Variants in FRMD5 observed in about 807,000 individuals in gnomAD.
FRMD5 encodes the protein FERM domain containing 5.
FRMD5 carries 20 observed loss-of-function variants against 69.0 expected under a neutral mutation model. That is an observed-to-expected ratio of 0.29 (90% CI 0.20 to 0.42). FRMD5 has a LOEUF of 0.42. Ranked by LOEUF, FRMD5 falls within the 10% of genes least tolerant of loss-of-function variation. The pLI is 1.00. For synonymous variants in FRMD5, 271 were observed against 260.1 expected, an observed-to-expected ratio of 1.04 and a Z score of -0.40; for missense variants, 595 against 708.6, an observed-to-expected ratio of 0.84 and a Z score of 1.82.
At chr15:44,130,122 A>G (rs2077078433) in intron 1 of FRMD5, among the ~76,000 whole-genome samples, 1 of 152,120 alleles carries the variant, frequency 6.6e-6, no homozygotes, top group South Asian at 2.1e-4. Context: ...CTGCACTAAT[A>G]CTATAACCAC....
intron 1 of FRMD5, among the ~76,000 whole-genome samples, chr15:44,184,544 C>T (rs1016916715): frequency 6.6e-6 from 1 of 152,174 alleles, no homozygotes; most frequent in South Asian, 2.1e-4. Context: ...CTATTTAATA[C>T]CTCTCACTAC....
intron 1 of FRMD5, among the ~76,000 whole-genome samples, chr15:43,944,943 G>C (rs1216443209): frequency 7.0e-6 from 1 of 142,238 alleles, no homozygotes; most frequent in Non-Finnish European, 1.5e-5. Flanking sequence ...GTTTCTATAA[G>C]TTTATTTATT....
At chr15:44,156,569 T>C (rs919966794) in intron 1 of FRMD5, among the ~76,000 whole-genome samples, 4 of 152,236 alleles carry the variant, frequency 2.6e-5, no homozygotes, top group Non-Finnish European at 5.9e-5. Flanking sequence ...GTCCAATGTT[T>C]GAGGTTCACA....
At chr15:44,078,871 T>C (rs182830429) in intron 1 of FRMD5, among the ~76,000 whole-genome samples, 1 of 152,210 alleles carries the variant, frequency 6.6e-6, no homozygotes, top group East Asian at 1.9e-4. Context: ...GCCATTAGAT[T>C]TGGAAATTTC....
At chr15:44,041,808 G>C (rs1892206555) in intron 1 of FRMD5, among the ~76,000 whole-genome samples, 1 of 152,088 alleles carries the variant, frequency 6.6e-6, no homozygotes, top group Non-Finnish European at 1.5e-5. Flanking sequence ...TATAGGACTA[G>C]ATGCCCACAA....
rs923840360 is a variant in FRMD5 at position 43,888,869 on chromosome 15, A to G, written c.732T>C (p.Asn244=). ...CTTCAAATTTCAGCTTGGTCACCTCATTCCTAGAAGCACAAAGATAGTGCC... is the reference window on the plus strand; with the variant it reads ...CTTCAAATTTCAGCTTGGTCACCTCGTTCCTAGAAGCACAAAGATAGTGCC... The part of the protein sequence containing the change: ...GNKRVHFIKW[N]EVTKLKFEGK... Residue 244 remains asparagine, a synonymous_variant, in exon 9 of 14, where the codon AAT becomes AAC. Transcript: ENST00000417257. 6.2e-7 allele frequency: 1 copy of G among 1,612,866 alleles called. No individual in the cohort carries two copies. The highest frequency in any genetic ancestry group is 2.2e-5 in the East Asian group (1 of 44,878).
intron 1 of FRMD5, among the ~76,000 whole-genome samples, chr15:44,029,075 G>A (rs905094200): frequency 2.0e-5 from 3 of 152,144 alleles, no homozygotes; most frequent in Non-Finnish European, 4.4e-5. Context: ...GCCAAATGAA[G>A]GAATGAATAA....
At chr15:44,038,260 A>G (rs555047057) in intron 1 of FRMD5, among the ~76,000 whole-genome samples, 2 of 152,238 alleles carry the variant, frequency 1.3e-5, no homozygotes, top group Non-Finnish European at 2.9e-5. Context: ...CTCTGATGAT[A>G]GTTTCTTTTG....
chr15:43,972,498 A>G (rs540787101), intron 1 of FRMD5, among the ~76,000 whole-genome samples: 4 of 152,238 alleles, frequency 2.6e-5, no homozygotes, highest in Admixed American at 2.0e-4. Context: ...AAACCTTTCT[A>G]TATCTAGTAG....
intron 12 of FRMD5, 22 bp from the exon 13 acceptor site, chr15:43,883,831 CT>C: frequency 6.3e-7 from 1 of 1,579,004 alleles, no homozygotes; most frequent in Non-Finnish European, 8.7e-7. Flanking sequence ...GAAAAAGAAC[CT>C]TGTTAATTCA....
chr15:44,111,115 CTTTCT>C (rs1189230159), intron 1 of FRMD5, among the ~76,000 whole-genome samples: 2 of 152,052 alleles, frequency 1.3e-5, no homozygotes, highest in South Asian at 2.1e-4. Flanking sequence ...AAAATCTTTC[CTTTCT>C]TATTTTAACT....
chr15:44,120,795 T>G (rs1433968963), intron 1 of FRMD5, among the ~76,000 whole-genome samples: 1 of 152,036 alleles, frequency 6.6e-6, no homozygotes, highest in Non-Finnish European at 1.5e-5. Flanking sequence ...CCCAAAGTGC[T>G]GGGACTACAG....
intron 1 of FRMD5, among the ~76,000 whole-genome samples, chr15:43,937,853 G>T (rs2089788348): frequency 6.6e-6 from 1 of 152,114 alleles, no homozygotes; most frequent in African/African-American, 2.4e-5. Context: ...CTTGTCTCAA[G>T]CGGTAACTGA....
At chr15:43,949,592 A>G (rs531194266) in intron 1 of FRMD5, among the ~76,000 whole-genome samples, 62 of 152,340 alleles carry the variant, frequency 4.1e-4, no homozygotes, top group Admixed American at 3.8e-3. Flanking sequence ...GATGGGCACC[A>G]TATCAGCCTC....
intron 7 of FRMD5, among the ~76,000 whole-genome samples, chr15:43,894,454 G>A (rs1252123069): frequency 1.3e-5 from 2 of 152,094 alleles, no homozygotes; most frequent in Non-Finnish European, 2.9e-5. Context: ...TGGGTCAGAG[G>A]GGCCAGTCTG....
intron 5 of FRMD5, among the ~76,000 whole-genome samples, chr15:43,909,052 T>C (rs2089235407): frequency 6.6e-6 from 1 of 151,904 alleles, no homozygotes; most frequent in Admixed American, 6.6e-5. Flanking sequence ...TCAGGCGCAG[T>C]TTAGGGTTGA....
intron 1 of FRMD5, among the ~76,000 whole-genome samples, chr15:44,003,405 C>T (rs771488883): frequency 3.5e-4 from 54 of 152,130 alleles, no homozygotes; most frequent in Non-Finnish European, 6.5e-4. Flanking sequence ...CTTAACATTC[C>T]AATGATCACA....
At chr15:44,066,706 T>C (rs1893326371) in intron 1 of FRMD5, among the ~76,000 whole-genome samples, 1 of 152,176 alleles carries the variant, frequency 6.6e-6, no homozygotes, top group Non-Finnish European at 1.5e-5. Flanking sequence ...ATAAGAACTT[T>C]ACTTTGGGAA....
At chr15:43,935,205 C>T (rs920498342) in intron 1 of FRMD5, among the ~76,000 whole-genome samples, 1 of 152,182 alleles carries the variant, frequency 6.6e-6, no homozygotes, top group African/African-American at 2.4e-5. Flanking sequence ...TGGGGCCAGG[C>T]GTGGTGGCTC....
Sources: gnomAD v4.1 joint callset for allele counts (sites outside exome capture counted in the v4.1 genomes callset) on GRCh38, gnomAD v4.1.1 for gene constraint, MANE v1.5 for transcripts, NCBI Gene and HGNC (gene_info 2026-07-23, HGNC 2026-07-21) for gene names.